The following LURAP1L variants were observed in gnomAD, a reference collection of about 807,000 sequenced individuals.
LURAP1L encodes the protein leucine rich adaptor protein 1-like.
A neutral mutation model predicts 13.8 loss-of-function variants in LURAP1L; 12 were observed. The observed-to-expected ratio is 0.87, with a 90% CI of 0.56 to 1.41. The LOEUF (loss-of-function observed/expected upper bound fraction) is 1.41, where lower values mean the gene tolerates loss of function less well. Among genes scored for constraint, LURAP1L ranks in the 40% most tolerant of loss-of-function variants. The probability of loss-of-function intolerance (pLI) is 0.00; values close to 1 mark genes in which losing one functional copy is unlikely to be tolerated. For missense variants in LURAP1L, 375 were observed against 292.9 expected (o/e 1.28, Z -2.04); for synonymous variants, 139 against 119.2 (o/e 1.17, Z -1.08).
intron 1 of LURAP1L, among the ~76,000 whole-genome samples, chr9:12,790,017 T>C (rs2118487524): frequency 6.6e-6 from 1 of 152,330 alleles, no homozygotes; most frequent in Middle Eastern, 3.4e-3. Context: ...TCACTTAGAT[T>C]GGTGATTTTA....
intron 1 of LURAP1L, among the ~76,000 whole-genome samples, chr9:12,809,609 C>G (rs1819709767): frequency 6.6e-6 from 1 of 152,144 alleles, no homozygotes; most frequent in Non-Finnish European, 1.5e-5. Flanking sequence ...AAATCTGTGC[C>G]ACACTTGAGT....
intron 1 of LURAP1L, among the ~76,000 whole-genome samples, chr9:12,809,618 G>C (rs1167365755): frequency 6.6e-6 from 1 of 152,176 alleles, no homozygotes; most frequent in Non-Finnish European, 1.5e-5. Context: ...CCACACTTGA[G>C]TCTGGTTCTG....
At chr9:12,817,329 T>A (rs983714511) in intron 1 of LURAP1L, among the ~76,000 whole-genome samples, 7 of 152,170 alleles carry the variant, frequency 4.6e-5, no homozygotes, top group Admixed American at 1.3e-4. Flanking sequence ...CAGGTACTAA[T>A]TCAGCACCTA....
At chr9:12,788,793 T>C (rs1458813749) in intron 1 of LURAP1L, among the ~76,000 whole-genome samples, 1 of 151,944 alleles carries the variant, frequency 6.6e-6, no homozygotes, top group Non-Finnish European at 1.5e-5. Context: ...CTGTATTTTG[T>C]CCAGTTTCTC....
At chr9:12,819,606 A>ATGACCCAGACTTTTGGGTTAG (rs1303165352) in intron 1 of LURAP1L, among the ~76,000 whole-genome samples, 2 of 152,204 alleles carry the variant, frequency 1.3e-5, no homozygotes, top group Non-Finnish European at 2.9e-5. Flanking sequence ...AAGAATTAGC[A>ATGACCCAGACTTTTGGGTTAG]TGACCCAGAC....
intron 1 of LURAP1L, among the ~76,000 whole-genome samples, chr9:12,801,519 T>A (rs1819585454): frequency 6.6e-6 from 1 of 152,182 alleles, no homozygotes; most frequent in Non-Finnish European, 1.5e-5. Context: ...ATTACTTTAA[T>A]AAGTTTTTAT....
At chr9:12,803,988 A>C (rs1371051664) in intron 1 of LURAP1L, among the ~76,000 whole-genome samples, 1 of 152,238 alleles carries the variant, frequency 6.6e-6, no homozygotes, top group South Asian at 2.1e-4. Flanking sequence ...CCTATTAAAA[A>C]TAAAGAGCAA....
At chr9:12,783,614 T>C (rs1344376481) in intron 1 of LURAP1L, among the ~76,000 whole-genome samples, 1 of 152,158 alleles carries the variant, frequency 6.6e-6, no homozygotes, top group East Asian at 1.9e-4. Context: ...TATTATTTTG[T>C]TTTGGATTTT....
At chr9:12,805,977 G>T (rs2118524603) in intron 1 of LURAP1L, among the ~76,000 whole-genome samples, 1 of 152,270 alleles carries the variant, frequency 6.6e-6, no homozygotes, top group East Asian at 1.9e-4. Flanking sequence ...AAGAAAAACA[G>T]AATCAGAAGA....
chr9:12,776,036 G>A lies in LURAP1L; in HGVS notation c.312+9G>A, dbSNP rs762963213. On this transcript the variant is annotated intron_variant, in intron 1 of 1. Transcript: ENST00000319264. ...TCCTCAGGCAAGAGATGGTGAGTGT[G>A]GTGCGCCAGCCGCGGGGGCTGGGAC... 6 of 1,612,610 alleles carry A rather than the reference G, an allele frequency of 3.7e-6. No individual in the cohort carries two copies. In the Admixed American group the frequency reaches 1.0e-4, roughly 27 times the overall value.
chr9:12,796,691 GT>G (rs982099836), intron 1 of LURAP1L, among the ~76,000 whole-genome samples: 3 of 151,714 alleles, frequency 2.0e-5, no homozygotes, highest in African/African-American at 2.4e-5. Context: ...TATTCTAATA[GT>G]TTTTTTTAAA....
At chr9:12,793,184 T>G (rs1454758329) in intron 1 of LURAP1L, among the ~76,000 whole-genome samples, 3 of 152,044 alleles carry the variant, frequency 2.0e-5, no homozygotes, top group Non-Finnish European at 4.4e-5. Context: ...CCAATTATCA[T>G]CCTTCAGTAG....
intron 1 of LURAP1L, among the ~76,000 whole-genome samples, chr9:12,816,643 T>A (rs758753843): frequency 6.6e-6 from 1 of 152,356 alleles, no homozygotes; most frequent in Admixed American, 6.5e-5. Context: ...GTTAAGAATA[T>A]TTTCTCCTTC....
chr9:12,818,577 T>C (rs1819833371), intron 1 of LURAP1L, among the ~76,000 whole-genome samples: 2 of 152,210 alleles, frequency 1.3e-5, no homozygotes, highest in Admixed American at 1.3e-4. Flanking sequence ...AGTTAAGCTA[T>C]GTTAGGAGAT....
At chr9:12,819,660 A>G (rs2118554911) in intron 1 of LURAP1L, among the ~76,000 whole-genome samples, 1 of 152,234 alleles carries the variant, frequency 6.6e-6, no homozygotes, top group African/African-American at 2.4e-5. Context: ...ATCGGTTTTT[A>G]AACCATAGAG....
At chr9:12,811,869 C>A (rs1819741303) in intron 1 of LURAP1L, among the ~76,000 whole-genome samples, 1 of 152,146 alleles carries the variant, frequency 6.6e-6, no homozygotes, top group Admixed American at 6.5e-5. Context: ...ACAAATCTGC[C>A]ATCAAGGTGC....
At chr9:12,785,943 G>T (rs1281685515) in intron 1 of LURAP1L, among the ~76,000 whole-genome samples, 1 of 152,058 alleles carries the variant, frequency 6.6e-6, no homozygotes, top group Non-Finnish European at 1.5e-5. Flanking sequence ...CAGCCGTCTT[G>T]CTCCACTTCT....
intron 1 of LURAP1L, among the ~76,000 whole-genome samples, chr9:12,789,732 G>A (rs1307538164): frequency 6.6e-6 from 1 of 152,152 alleles, no homozygotes; most frequent in African/African-American, 2.4e-5. Context: ...GCATATGGGA[G>A]CCTGATGCTT....
intron 1 of LURAP1L, among the ~76,000 whole-genome samples, chr9:12,791,676 C>T (rs1819442820): frequency 1.4e-5 from 2 of 146,642 alleles, no homozygotes; most frequent in African/African-American, 5.3e-5. Context: ...CTCTCCTGCC[C>T]TCCTCCCTTC....
Sources: gnomAD v4.1 joint callset for allele counts (sites outside exome capture counted in the v4.1 genomes callset) on GRCh38, gnomAD v4.1.1 for gene constraint, MANE v1.5 for transcripts, NCBI Gene and HGNC (gene_info 2026-07-23, HGNC 2026-07-21) for gene names.